Variants in TTC27 observed in about 807,000 individuals in gnomAD.
TTC27 encodes the protein tetratricopeptide repeat protein 27.
In TTC27, 79 loss-of-function variants were observed where a neutral mutation model predicts 115.9. That is an observed-to-expected ratio of 0.68 (90% CI 0.57 to 0.82). The LOEUF is 0.82. Among genes scored for constraint, TTC27 ranks in the 40% least tolerant of loss-of-function variants. The pLI is 0.00. For missense variants in TTC27, 1,054 were observed against 993.1 expected, an observed-to-expected ratio of 1.06 and a Z score of -0.82; for synonymous variants, 401 against 356.0, an observed-to-expected ratio of 1.13 and a Z score of -1.42.
intron 15 of TTC27, among the ~76,000 whole-genome samples, chr2:32,786,248 A>G (rs909380835): frequency 6.6e-6 from 1 of 151,968 alleles, no homozygotes; most frequent in African/African-American, 2.4e-5. Flanking sequence ...CAGCCTCCTG[A>G]GTAGCTGGGA....
intron 2 of TTC27, among the ~76,000 whole-genome samples, chr2:32,633,035 G>T (rs1279689422): frequency 6.6e-6 from 1 of 152,136 alleles, no homozygotes; most frequent in Non-Finnish European, 1.5e-5. Context: ...ATGTTTTGTT[G>T]TTGTTGTTGT....
chr2:32,699,308 C>T (rs1396909079), intron 9 of TTC27, among the ~76,000 whole-genome samples: 2 of 152,230 alleles, frequency 1.3e-5, no homozygotes, highest in Admixed American at 6.5e-5. Flanking sequence ...GAGACAGAGC[C>T]AGCCTTGTAG....
At chr2:32,678,754 A>G in intron 8 of TTC27, 102 bp from the exon 9 acceptor site, 1 of 818,048 alleles carries the variant, frequency 1.2e-6, no homozygotes, top group East Asian at 2.8e-5. Context: ...TCTGCTTTCA[A>G]ATATATAAAA....
At chr2:32,675,710 A>G (rs1027885548) in intron 8 of TTC27, among the ~76,000 whole-genome samples, 1 of 152,044 alleles carries the variant, frequency 6.6e-6, no homozygotes, top group African/African-American at 2.4e-5. Flanking sequence ...GTGGTCGCTA[A>G]CCCCCATGAA....
At chr2:32,756,198 T>G (rs1669227200) in intron 12 of TTC27, among the ~76,000 whole-genome samples, 1 of 152,228 alleles carries the variant, frequency 6.6e-6, no homozygotes, top group South Asian at 2.1e-4. Flanking sequence ...ATTTATTAGG[T>G]GAATTGGCCT....
intron 13 of TTC27, among the ~76,000 whole-genome samples, chr2:32,773,668 G>A (rs759429907): frequency 6.6e-6 from 1 of 152,218 alleles, no homozygotes; most frequent in Non-Finnish European, 1.5e-5. Flanking sequence ...GGGTGGGTGT[G>A]AGGAACGCAT....
chr2:32,690,717 A>T (rs1666781475), intron 9 of TTC27, among the ~76,000 whole-genome samples: 1 of 152,200 alleles, frequency 6.6e-6, no homozygotes, highest in Admixed American at 6.5e-5. Context: ...TAAATGACCT[A>T]CCTAGCAAGG....
At position 32,702,734 on chromosome 2, in the gene TTC27, A is replaced by C. The variant is rs1305904984; in HGVS notation, c.1120-73A>C. 6 of 958,416 alleles carry C rather than the reference A, an allele frequency of 6.3e-6. No homozygotes were observed. In the East Asian group the frequency reaches 1.5e-4, roughly 23 times the overall value. The allele number at this position is 958,416 out of a possible 1,614,324, so 59.4% of individuals were successfully genotyped here. A position where few individuals can be genotyped will look rare whatever the true frequency, so the allele number is the denominator to read the frequency against. On this transcript the variant is annotated intron_variant, in intron 9 of 19. Transcript: ENST00000317907. ...GTACCCTGATATTTTGGAAGAATTA[A>C]TTTTGTCCTATTCAGAATGAGATCA...
chr2:32,789,200 C>T (rs773310518), intron 16 of TTC27, among the ~76,000 whole-genome samples: 1 of 152,128 alleles, frequency 6.6e-6, no homozygotes, highest in Non-Finnish European at 1.5e-5. Context: ...TTTTAGTTAA[C>T]TTAGATGAAT....
intron 5 of TTC27, among the ~76,000 whole-genome samples, chr2:32,663,182 A>G (rs1180494179): frequency 6.6e-6 from 1 of 152,096 alleles, no homozygotes; most frequent in African/African-American, 2.4e-5. Context: ...CAGGGGAGTG[A>G]ATGGTTCTAT....
chr2:32,643,374 C>T (rs1184280466), intron 4 of TTC27, among the ~76,000 whole-genome samples: 6 of 151,058 alleles, frequency 4.0e-5, no homozygotes, highest in South Asian at 2.1e-4. Flanking sequence ...GGTGTGATCT[C>T]GGCTCACTAC....
chr2:32,748,983 T>A (rs1029675926), intron 12 of TTC27, among the ~76,000 whole-genome samples: 3 of 152,150 alleles, frequency 2.0e-5, no homozygotes, highest in Non-Finnish European at 2.9e-5. Context: ...CCACCATGCC[T>A]GGCCTGAGTT....
chr2:32,793,142 A>T (rs1215465872), intron 16 of TTC27, among the ~76,000 whole-genome samples: 1 of 152,226 alleles, frequency 6.6e-6, no homozygotes, highest in Non-Finnish European at 1.5e-5. Context: ...AGAGCTGTTT[A>T]TACTGACTAA....
Position 32,758,387 on chromosome 2 carries a change from C to A in TTC27, c.1548C>A (p.Asp516Glu). The A allele has an allele frequency of 6.2e-7, 1 of 1,614,222 alleles. No individual in the cohort carries two copies. The change falls in exon 13 of 20, where the codon GAC becomes GAA. Residue 516 changes from aspartate (D) to glutamate (E), a missense_variant. Coordinates refer to ENST00000317907, the MANE Select transcript of TTC27 (RefSeq NM_017735.5). ...GDVLGDHSCY[D>E]KAWELSRYRS... is the part of the protein sequence containing the mutation. The stretch of plus-strand genomic sequence containing the variant: ...TCCTCGGAGACCATTCTTGCTATGA[C>A]AAGGCCTGGGAGTTGTCCCGGTACC...
chr2:32,646,458 C>G (rs1664863425), intron 4 of TTC27, among the ~76,000 whole-genome samples: 1 of 151,994 alleles, frequency 6.6e-6, no homozygotes, highest in African/African-American at 2.4e-5. Flanking sequence ...GCATAAGCTA[C>G]TGTGCCAGCC....
intron 9 of TTC27, among the ~76,000 whole-genome samples, chr2:32,699,544 A>G (rs537145466): frequency 1.3e-5 from 2 of 152,316 alleles, no homozygotes; most frequent in South Asian, 2.1e-4. Flanking sequence ...CCATTTTCTA[A>G]TAAGTCAATA....
intron 12 of TTC27, among the ~76,000 whole-genome samples, chr2:32,755,114 C>T (rs188136188): frequency 6.6e-6 from 1 of 151,838 alleles, no homozygotes; most frequent in African/African-American, 2.4e-5. Context: ...GGCGGGCGGG[C>T]AGAGATGCTC....
intron 16 of TTC27, among the ~76,000 whole-genome samples, chr2:32,798,339 G>T (rs1381834824): frequency 2.7e-5 from 4 of 149,936 alleles, no homozygotes; most frequent in Non-Finnish European, 5.9e-5. Flanking sequence ...GGTGGAGCTT[G>T]CAGTGAGCCA....
intron 13 of TTC27, among the ~76,000 whole-genome samples, chr2:32,773,067 T>C (rs1296963026): frequency 6.6e-6 from 1 of 152,260 alleles, no homozygotes; most frequent in Non-Finnish European, 1.5e-5. Flanking sequence ...TTGAGTTCTT[T>C]GTGAATTATT....
Sources: allele counts gnomAD v4.1 joint callset (sites outside exome capture counted in the v4.1 genomes callset), GRCh38; gene constraint gnomAD v4.1.1; transcripts MANE v1.5; gene names NCBI Gene and HGNC (gene_info 2026-07-23, HGNC 2026-07-21).